Variants in PTPN4 observed in about 807,000 individuals in gnomAD.
PTPN4 encodes the protein protein tyrosine phosphatase non-receptor type 4.
PTPN4 carries 49 observed loss-of-function variants against 135.5 expected under a neutral mutation model. The observed-to-expected ratio is 0.36, with a 90% confidence interval of 0.29 to 0.46. The LOEUF is 0.46. Ranked by LOEUF, PTPN4 falls within the 20% of genes least tolerant of loss-of-function variation. PTPN4 has a pLI of 1.00. For missense variants in PTPN4, 860 were observed against 1,101.0 expected (o/e 0.78, Z 3.10); for synonymous variants, 333 against 369.9 (o/e 0.90, Z 1.14).
At chr2:119,817,967 CTTG>C (rs896707866) in intron 2 of PTPN4, among the ~76,000 whole-genome samples, 14 of 151,994 alleles carry the variant, frequency 9.2e-5, no homozygotes, top group African/African-American at 2.7e-4. Flanking sequence ...TGGCTTGACT[CTTG>C]TTGGTGTATA....
chr2:119,845,903 T>G (rs1034104179), intron 2 of PTPN4, among the ~76,000 whole-genome samples: 8 of 152,246 alleles, frequency 5.3e-5, no homozygotes, highest in Non-Finnish European at 1.0e-4. Flanking sequence ...TTCATTTATA[T>G]CGAAGTATTT....
chr2:119,968,809 G>C (rs187023353), intron 26 of PTPN4, among the ~76,000 whole-genome samples: 5 of 151,998 alleles, frequency 3.3e-5, no homozygotes, highest in Non-Finnish European at 7.4e-5. Flanking sequence ...AAGAACTTAC[G>C]TTGCAACAAC....
chr2:119,961,007 C>G, intron 23 of PTPN4, 54 bp downstream of exon 23: 1 of 1,507,380 alleles, frequency 6.6e-7, no homozygotes, highest in Non-Finnish European at 8.9e-7. Flanking sequence ...AATTATACTG[C>G]ACATATGTAG....
intron 1 of PTPN4, among the ~76,000 whole-genome samples, chr2:119,767,115 G>A (rs1246927590): frequency 2.0e-5 from 3 of 152,196 alleles, no homozygotes; most frequent in African/African-American, 7.2e-5. Flanking sequence ...TGTATACACA[G>A]CTCAAGATGA....
At chr2:119,805,497 C>G (rs1193504968) in intron 1 of PTPN4, among the ~76,000 whole-genome samples, 1 of 152,134 alleles carries the variant, frequency 6.6e-6, no homozygotes, top group Admixed American at 6.5e-5. Context: ...CCAGTTTCAG[C>G]TTTCTACATA....
chr2:119,846,568 A>G (rs1424422241), intron 2 of PTPN4, among the ~76,000 whole-genome samples: 4 of 150,130 alleles, frequency 2.7e-5, no homozygotes, highest in African/African-American at 5.0e-5. Flanking sequence ...TTTTTTTACC[A>G]GTCTGACATC....
chr2:119,932,289 C>A, intron 13 of PTPN4, 135 bp from the exon 14 acceptor site: 1 of 821,520 alleles, frequency 1.2e-6, no homozygotes, highest in Non-Finnish European at 1.8e-6. Context: ...CCTCTAAATG[C>A]ATTAATTTTT....
intron 2 of PTPN4, among the ~76,000 whole-genome samples, chr2:119,844,596 G>A (rs1279896536): frequency 2.7e-5 from 4 of 149,364 alleles, no homozygotes; most frequent in East Asian, 2.0e-4. Context: ...GGGCAGAGGC[G>A]CTCCTCACAT....
At chr2:119,929,399 C>A (rs1473019256) in intron 13 of PTPN4, among the ~76,000 whole-genome samples, 1 of 151,870 alleles carries the variant, frequency 6.6e-6, no homozygotes, top group Admixed American at 6.6e-5. Context: ...AAAGGCTCCT[C>A]CTTAAACTTC....
intron 5 of PTPN4, chr2:119,880,091 C>A (rs1176887979): frequency 6.6e-6 from 1 of 151,924 alleles, no homozygotes; most frequent in Admixed American, 6.6e-5. Context: ...TTACTTTTAG[C>A]AGGTGCTAGC....
chr2:119,970,054 T>G (rs1234676603), intron 26 of PTPN4, among the ~76,000 whole-genome samples: 1 of 152,016 alleles, frequency 6.6e-6, no homozygotes, highest in Non-Finnish European at 1.5e-5. Context: ...AACTTTTATT[T>G]TTATTTTATT....
At chr2:119,764,528 T>C (rs896121109) in intron 1 of PTPN4, among the ~76,000 whole-genome samples, 1 of 152,224 alleles carries the variant, frequency 6.6e-6, no homozygotes, top group Admixed American at 6.5e-5. Context: ...TTCACCTGTT[T>C]CTGGAAGAAT....
Position 119,977,126 on chromosome 2 carries a change from G to A in PTPN4, c.*56G>A. ...AAAACTGCTTTCCCTTATGTTCACT[G>A]TGCCATAATGCTGCTCGCAGGAAAT... On this transcript the variant is annotated 3_prime_UTR_variant, in exon 27 of 27. Coordinates refer to ENST00000263708, the MANE Select transcript of PTPN4 (RefSeq NM_002830.4). The A allele has an allele frequency of 1.3e-6, 2 of 1,520,934 alleles. No homozygotes were observed. The highest frequency in any genetic ancestry group is 1.3e-5 in the South Asian group (1 of 75,868). 94.2% of individuals were successfully genotyped at this position (1,520,934 alleles called of 1,614,324 possible).
At chr2:119,820,181 T>A (rs188199691) in intron 2 of PTPN4, among the ~76,000 whole-genome samples, 1 of 152,356 alleles carries the variant, frequency 6.6e-6, no homozygotes, top group East Asian at 1.9e-4. Flanking sequence ...TTAAATGTGC[T>A]GCCTTTTGAC....
intron 2 of PTPN4, among the ~76,000 whole-genome samples, chr2:119,810,777 C>T (rs866408376): frequency 6.6e-6 from 1 of 152,086 alleles, no homozygotes; most frequent in Non-Finnish European, 1.5e-5. Context: ...CCTAAATTGA[C>T]CCAGTGTTAA....
At chr2:119,938,105 T>G (rs1263178332) in intron 15 of PTPN4, among the ~76,000 whole-genome samples, 1 of 150,968 alleles carries the variant, frequency 6.6e-6, no homozygotes, top group Admixed American at 6.7e-5. Flanking sequence ...GAATAGTACT[T>G]TTTTTTAAAT....
At chr2:119,968,748 C>G in intron 26 of PTPN4, among the ~76,000 whole-genome samples, 1 of 152,002 alleles carries the variant, frequency 6.6e-6, no homozygotes, top group East Asian at 1.9e-4. Flanking sequence ...GCCGAGATTG[C>G]GCCACTGTAC....
intron 1 of PTPN4, among the ~76,000 whole-genome samples, chr2:119,790,761 T>C (rs1297270464): frequency 1.3e-5 from 2 of 152,246 alleles, no homozygotes. Flanking sequence ...TCTATTCATC[T>C]ATTATTGTTT....
chr2:119,763,397 A>G (rs1301371379), intron 1 of PTPN4, among the ~76,000 whole-genome samples: 2 of 152,170 alleles, frequency 1.3e-5, no homozygotes, highest in Admixed American at 6.5e-5. Context: ...CCAGAGGGGA[A>G]GAGTGTTAAT....
Sources: gnomAD v4.1 joint callset for allele counts (sites outside exome capture counted in the v4.1 genomes callset) on GRCh38, gnomAD v4.1.1 for gene constraint, MANE v1.5 for transcripts, NCBI Gene and HGNC (gene_info 2026-07-23, HGNC 2026-07-21) for gene names.